FBXL7: variants seen among roughly 807,000 people sequenced by gnomAD.
The protein encoded by FBXL7 is F-box and leucine rich repeat protein 7.
In FBXL7, 12 loss-of-function variants were observed where a neutral mutation model predicts 38.3. The observed-to-expected ratio is 0.31, with a 90% CI of 0.20 to 0.51. The LOEUF (loss-of-function observed/expected upper bound fraction) is 0.51, where lower values mean the gene tolerates loss of function less well. FBXL7 is among the 20% of genes least tolerant of loss of function. The pLI is 0.98. For missense variants in FBXL7, 567 were observed against 676.4 expected (o/e 0.84, Z 1.79); for synonymous variants, 297 against 300.9 (o/e 0.99, Z 0.13).
At chr5:15,692,983 T>C (rs528090287) in intron 2 of FBXL7, among the ~76,000 whole-genome samples, 3 of 152,166 alleles carry the variant, frequency 2.0e-5, no homozygotes, top group Non-Finnish European at 2.9e-5. Flanking sequence ...TCTGAACCAG[T>C]TGGAGTAATG....
intron 2 of FBXL7, among the ~76,000 whole-genome samples, chr5:15,867,103 G>A (rs1387370932): frequency 3.3e-5 from 5 of 152,136 alleles, no homozygotes; most frequent in Non-Finnish European, 5.9e-5. Context: ...AGAAGACCTT[G>A]TAAATTCAAA....
rs1406524837 is a variant in FBXL7, at chr5:15,917,790, C to A, written c.128-10100C>A. 4.8e-5 allele frequency among the ~76,000 whole-genome samples: 6 copies of A among 125,302 alleles called. No individual in the cohort carries two copies. In the Admixed American group the frequency reaches 4.9e-4, roughly 10 times the overall value. 82.2% of individuals were successfully genotyped at this position (125,302 alleles called of 152,430 possible). On this transcript the variant is annotated intron_variant, in intron 2 of 3. Coordinates refer to ENST00000504595, the MANE Select transcript of FBXL7 (RefSeq NM_012304.5). ...GGCTTATGCCTTTTTTTTTTTTTTT[C>A]ATTAAAAAGGGACATCAGCAAATGT...
chr5:15,613,716 G>A (rs562639398), intron 1 of FBXL7, among the ~76,000 whole-genome samples: 1 of 152,174 alleles, frequency 6.6e-6, no homozygotes, highest in Admixed American at 6.6e-5. Flanking sequence ...AGTCTAAGGA[G>A]TTCTACTCTG....
intron 2 of FBXL7, among the ~76,000 whole-genome samples, chr5:15,855,578 A>T (rs1243892896): frequency 2.0e-5 from 3 of 152,218 alleles, no homozygotes; most frequent in African/African-American, 7.2e-5. Context: ...AAGTTATCAC[A>T]AATTCAATCT....
chr5:15,537,684 A>C (rs1737626369), intron 1 of FBXL7, among the ~76,000 whole-genome samples: 1 of 152,226 alleles, frequency 6.6e-6, no homozygotes, highest in Non-Finnish European at 1.5e-5. Flanking sequence ...CCTAGCTATA[A>C]ATCTCCTTTC....
chr5:15,589,695 T>C (rs1245700477), intron 1 of FBXL7, among the ~76,000 whole-genome samples: 2 of 152,226 alleles, frequency 1.3e-5, no homozygotes, highest in Non-Finnish European at 2.9e-5. Context: ...GTTATTATCT[T>C]AAGAAGCTTA....
chr5:15,566,447 T>G (rs1738573656), intron 1 of FBXL7, among the ~76,000 whole-genome samples: 1 of 152,168 alleles, frequency 6.6e-6, no homozygotes, highest in Non-Finnish European at 1.5e-5. Flanking sequence ...CCCAAGGATG[T>G]CTGTAAAGCA....
chr5:15,562,297 A>T lies in FBXL7; in HGVS notation c.38-53686A>T, dbSNP rs148564935. Among the ~76,000 whole-genome samples, 898 of 152,294 alleles carry T rather than the reference A, an allele frequency of 5.9e-3. 7 individuals carry two copies. Among genetic ancestry groups the T allele is most frequent in the Non-Finnish European group, 6.5e-3 (441 of 68,014 alleles). On this transcript the variant is annotated intron_variant, in intron 1 of 3. Transcript: ENST00000504595. ...CAAACTAAAAAGCTGTGCACACCAA[A>T]GGAAGCAGTCAACAAAAGGAGAAGA... is the stretch of plus-strand genomic sequence containing the variant.
At position 15,937,406 on chromosome 5, in the gene FBXL7, T is replaced by C; in HGVS notation, c.*220T>C. On this transcript the variant is annotated 3_prime_UTR_variant, in exon 4 of 4. Coordinates refer to ENST00000504595, the MANE Select transcript of FBXL7 (RefSeq NM_012304.5). Reference sequence around the variant, plus strand: ...AAACAGGCATTTTGGTCAGGTCATTTGTAGGCAGTTTCTCTTCTCACAAAA... The same window carrying C: ...AAACAGGCATTTTGGTCAGGTCATTCGTAGGCAGTTTCTCTTCTCACAAAA... The C allele has an allele frequency of 1.7e-6, 1 of 575,648 alleles. No homozygotes were observed. The highest frequency in any genetic ancestry group is 3.0e-6 in the Non-Finnish European group (1 of 332,796). 35.7% of individuals were successfully genotyped at this position (575,648 alleles called of 1,614,324 possible). A position where few individuals can be genotyped will look rare whatever the true frequency, so the allele number is the denominator to read the frequency against.
rs1178050510 is a variant in FBXL7, at chr5:15,565,540, TTATATA to T, written c.38-50438_38-50433del. 2.7e-5 allele frequency among the ~76,000 whole-genome samples: 4 copies of T among 150,828 alleles called. 1 individual carries two copies. In the South Asian group the frequency reaches 6.2e-4, roughly 23 times the overall value. ...ATATATTTATTCTTAATTATAATCT[TTATATA>T]TATAAATTAATAATTGTGCCAACTT... On this transcript the variant is annotated intron_variant, in intron 1 of 3. Coordinates refer to ENST00000504595, the MANE Select transcript of FBXL7 (RefSeq NM_012304.5).
intron 2 of FBXL7, among the ~76,000 whole-genome samples, chr5:15,828,169 C>T (rs906485265): frequency 9.2e-5 from 14 of 152,126 alleles, no homozygotes; most frequent in East Asian, 1.9e-4. Context: ...GAGGTTGTTG[C>T]AAGAATTAAA....
chr5:15,771,647 GTATT>G (rs1478278898), intron 2 of FBXL7, among the ~76,000 whole-genome samples: 4 of 152,022 alleles, frequency 2.6e-5, no homozygotes, highest in Non-Finnish European at 5.9e-5. Context: ...CTCAATGTAG[GTATT>G]ACTGAGGTAC....
intron 2 of FBXL7, among the ~76,000 whole-genome samples, chr5:15,645,984 G>A (rs1741518330): frequency 6.6e-6 from 1 of 152,156 alleles, no homozygotes; most frequent in Non-Finnish European, 1.5e-5. Context: ...AACTCTTGGA[G>A]TCATTGAGGT....
chr5:15,510,436 G>C (rs1736763807), intron 1 of FBXL7, among the ~76,000 whole-genome samples: 1 of 152,134 alleles, frequency 6.6e-6, no homozygotes, highest in Non-Finnish European at 1.5e-5. Flanking sequence ...TGAGTACTGG[G>C]GTCAAGTAGT....
chr5:15,760,426 CAAA>C (rs74868826), intron 2 of FBXL7, among the ~76,000 whole-genome samples: 1 of 90,264 alleles, frequency 1.1e-5, no homozygotes. Flanking sequence ...TTTGGAAAAG[CAAA>C]AAAAAAAAAA....
chr5:15,831,348 G>C (rs1326540514), intron 2 of FBXL7, among the ~76,000 whole-genome samples: 1 of 152,146 alleles, frequency 6.6e-6, no homozygotes, highest in Non-Finnish European at 1.5e-5. Flanking sequence ...ATACTAAGTG[G>C]TATTCTCCCT....
At chr5:15,830,958 T>C (rs1408977727) in intron 2 of FBXL7, among the ~76,000 whole-genome samples, 3 of 152,072 alleles carry the variant, frequency 2.0e-5, no homozygotes, top group Non-Finnish European at 4.4e-5. Context: ...AATTATTACA[T>C]CTGGAGAGTC....
chr5:15,658,225 T>C (rs1185749628), intron 2 of FBXL7, among the ~76,000 whole-genome samples: 1 of 152,186 alleles, frequency 6.6e-6, no homozygotes, highest in Non-Finnish European at 1.5e-5. Flanking sequence ...TGAGTGCTTC[T>C]CCTTGAAACT....
At chr5:15,799,536 A>C (rs1472274800) in intron 2 of FBXL7, among the ~76,000 whole-genome samples, 1 of 151,738 alleles carries the variant, frequency 6.6e-6, no homozygotes, top group Non-Finnish European at 1.5e-5. Flanking sequence ...CTAATTTTGT[A>C]TTTTTAGTAG....
Sources: gnomAD v4.1 joint callset for allele counts (sites outside exome capture counted in the v4.1 genomes callset) on GRCh38, gnomAD v4.1.1 for gene constraint, MANE v1.5 for transcripts, NCBI Gene and HGNC (gene_info 2026-07-23, HGNC 2026-07-21) for gene names.